HOXB3: variants seen among roughly 807,000 people sequenced by gnomAD.
HOXB3 encodes the protein homeobox protein Hox-B3.
A neutral mutation model predicts 29.2 loss-of-function variants in HOXB3; 17 were observed. That is an observed-to-expected ratio of 0.58 (90% confidence interval 0.40 to 0.87). HOXB3 has a LOEUF of 0.87. Ranked by LOEUF, HOXB3 falls within the 40% of genes least tolerant of loss-of-function variation. The pLI, the probability that HOXB3 is intolerant of heterozygous loss-of-function variation, is 0.00. For missense variants in HOXB3, 637 were observed against 616.3 expected (o/e 1.03, Z -0.35); for synonymous variants, 317 against 285.9 (o/e 1.11, Z -1.10).
intron 2 of HOXB3, among the ~76,000 whole-genome samples, chr17:48,573,427 T>C (rs2144864610): frequency 6.6e-6 from 1 of 152,252 alleles, no homozygotes; most frequent in East Asian, 1.9e-4. Context: ...GTACCCAGTG[T>C]AGACAAGCAG....
At chr17:48,589,757 A>T (rs562996686) in intron 1 of HOXB3, among the ~76,000 whole-genome samples, 1 of 152,150 alleles carries the variant, frequency 6.6e-6, no homozygotes, top group Admixed American at 6.5e-5. Flanking sequence ...GGATGGGGGG[A>T]TAGTTGTCTG....
intron 1 of HOXB3, chr17:48,577,792 C>T: frequency 7.8e-7 from 1 of 1,282,290 alleles, no homozygotes; most frequent in Non-Finnish European, 1.0e-6. Flanking sequence ...CCCCCCCCAA[C>T]CCATGCCTCC....
Position 48,554,361 on chromosome 17 carries a change from T to A in HOXB3, c.-159+1170A>T. On this transcript the variant is annotated intron_variant, in intron 3 of 4. Coordinates refer to ENST00000498678, the MANE Select transcript of HOXB3 (RefSeq NM_001384749.1). The surrounding 1 kb of genome is among the most constrained non-coding windows in gnomAD (Gnocchi z 4.1). The stretch of plus-strand genomic sequence containing the variant: ...ATGATGACGATGATGATGATAGTAA[T>A]AATAATAAAACAATAATTTAACTAG... The A allele has an allele frequency of 2.2e-6, 1 of 450,686 alleles. No individual in the cohort carries two copies. 27.9% of individuals were successfully genotyped at this position (450,686 alleles called of 1,614,324 possible).
chr17:48,586,285 C>T (rs2070043913), intron 1 of HOXB3, among the ~76,000 whole-genome samples: 1 of 152,202 alleles, frequency 6.6e-6, no homozygotes, highest in Non-Finnish European at 1.5e-5. Flanking sequence ...TTTTTGGGAT[C>T]CGACAGGTTC....
At chr17:48,561,983 T>C (rs1394762074) in intron 2 of HOXB3, among the ~76,000 whole-genome samples, 1 of 152,180 alleles carries the variant, frequency 6.6e-6, no homozygotes, top group East Asian at 1.9e-4. Flanking sequence ...ACGGGCACCA[T>C]CGTCACCAGA....
At chr17:48,565,561 C>G (rs1165316039) in intron 2 of HOXB3, among the ~76,000 whole-genome samples, 2 of 152,236 alleles carry the variant, frequency 1.3e-5, no homozygotes, top group Non-Finnish European at 2.9e-5. Flanking sequence ...TTCTGCGTCT[C>G]TCAGTGTCTT....
intron 2 of HOXB3, among the ~76,000 whole-genome samples, chr17:48,573,248 A>T (rs1597845924): frequency 6.6e-6 from 1 of 152,330 alleles, no homozygotes. Context: ...TGCTCCAGAG[A>T]GTAGCACATA....
rs1264657896 is a variant in HOXB3, at chr17:48,552,519, G to C, written c.-45C>G. 1 of 1,480,586 alleles carries C rather than the reference G, an allele frequency of 6.8e-7. No homozygotes were observed. The allele number at this position is 1,480,586 out of a possible 1,614,324, so 91.7% of individuals were successfully genotyped here. The stretch of plus-strand genomic sequence containing the variant: ...AGTGGGTGGCAACTTGGAAAGGCCT[G>C]ATACCCTCAGGACCGGACATTGGCA... On this transcript the variant is annotated 5_prime_UTR_variant, in exon 4 of 5. The change creates a new upstream start codon in the 5' untranslated region. Transcript: ENST00000498678.
In HOXB3 at chr17:48,564,133, G is replaced by A. The variant is rs151086711; in HGVS notation, c.-246-8515C>T. Among the ~76,000 whole-genome samples, 80 of 152,026 alleles carry A rather than the reference G, an allele frequency of 5.3e-4. No individual in the cohort carries two copies. The East Asian group carries it at 0.014, about 27-fold the overall frequency. ...GATCCCGGCCTGTCCCAGGAGAGAG[G>A]CCTGGGGGCGGGGGTCTCAGCCACC... is the stretch of plus-strand genomic sequence containing the variant. On this transcript the variant is annotated intron_variant, in intron 2 of 4. Coordinates refer to ENST00000498678, the MANE Select transcript of HOXB3 (RefSeq NM_001384749.1).
intron 2 of HOXB3, among the ~76,000 whole-genome samples, chr17:48,571,854 T>C (rs2069595307): frequency 6.6e-6 from 1 of 152,238 alleles, no homozygotes; most frequent in South Asian, 2.1e-4. Flanking sequence ...CAGTTATTTC[T>C]TGCCTGAGAT....
At position 48,576,725 on chromosome 17, in the gene HOXB3, G is replaced by C. The variant is rs770457825; in HGVS notation, c.-424-2711C>G. 2.6e-6 allele frequency: 4 copies of C among 1,547,472 alleles called. No individual in the cohort carries two copies. In the African/African-American group the frequency reaches 5.6e-5, roughly 21 times the overall value. On this transcript the variant is annotated intron_variant, in intron 1 of 4. Transcript: ENST00000498678. ...GTGGCTCCCGCGTGCGGGGGCACTA[G>C]AGCGCGCGGGGGCCTCCATTGGGCC...
chr17:48,552,537 C>A lies in HOXB3; in HGVS notation c.-63G>T, dbSNP rs924039086. 5 of 1,293,614 alleles carry A rather than the reference C, an allele frequency of 3.9e-6. No individual in the cohort carries two copies. The highest frequency in any genetic ancestry group is 1.1e-6 in the Non-Finnish European group (1 of 941,040). The allele number at this position is 1,293,614 out of a possible 1,614,324, so 80.1% of individuals were successfully genotyped here. ...AAGGCCTGATACCCTCAGGACCGGACATTGGCAACCCTGGGGGTCACGTGA... is the reference window on the plus strand; with the variant it reads ...AAGGCCTGATACCCTCAGGACCGGAAATTGGCAACCCTGGGGGTCACGTGA... On this transcript the variant is annotated 5_prime_UTR_variant, in exon 4 of 5. The change abolishes an upstream ATG in the 5' untranslated region. Transcript: ENST00000498678.
chr17:48,550,491 G>A lies in HOXB3; in HGVS notation c.1139C>T (p.Pro380Leu), dbSNP rs2068678441. Reference protein sequence around the residue: ...LYGLNHLSHHPSGNLDYNGAP... With the variant: ...LYGLNHLSHHLSGNLDYNGAP... ...CCCGTTGTAGTCCAGGTTCCCGGAAGGGTGATGGGAAAGGTGGTTGAGGCC... is the reference window on the plus strand; with the variant it reads ...CCCGTTGTAGTCCAGGTTCCCGGAAAGGTGATGGGAAAGGTGGTTGAGGCC... Residue 380 changes from proline to leucine, a missense_variant, in exon 5 of 5, where the codon CCT (proline) becomes CTT (leucine). Pro to Leu is a moderately conservative substitution (Grantham distance 98). Transcript: ENST00000498678. 1 of 1,606,350 alleles carries A rather than the reference G, an allele frequency of 6.2e-7. No homozygotes were observed. Among genetic ancestry groups the A allele is most frequent in the Non-Finnish European group, 8.5e-7 (1 of 1,178,256 alleles).
intron 2 of HOXB3, among the ~76,000 whole-genome samples, chr17:48,567,971 T>G (rs1309606282): frequency 1.3e-5 from 2 of 152,166 alleles, no homozygotes; most frequent in African/African-American, 4.8e-5. Flanking sequence ...GTGATTCCTT[T>G]TCCACCTTTG....
rs753221990 is a variant in HOXB3 at position 48,550,793 on chromosome 17, T to C, written c.837A>G (p.Leu279=). The C allele has an allele frequency of 1.2e-6, 2 of 1,612,884 alleles. No homozygotes were observed. The highest frequency in any genetic ancestry group is 2.7e-5 in the African/African-American group (2 of 74,814). The change falls in exon 5 of 5, where the codon TTA becomes TTG. Residue 279 remains leucine (L), a synonymous_variant. Coordinates refer to ENST00000498678, the MANE Select transcript of HOXB3 (RefSeq NM_001384749.1). ...TCTCGTAGCTGGGGGTCATGGAGTG[T>C]AAGGCGTTCATGAAGCCGGCCGTGG... ...MQSTAGFMNA[L]HSMTPSYESP... is the part of the protein sequence containing the mutation.
chr17:48,550,041 C>T lies in HOXB3; in HGVS notation c.*293G>A, dbSNP rs888382888. ...CTGTCTCGTCTTCCTCTACCCCACT[C>T]CCGGGCGTGGAATTCCAACTTGGTA... On this transcript the variant is annotated 3_prime_UTR_variant, in exon 5 of 5. Transcript: ENST00000498678. 1.8e-5 allele frequency: 7 copies of T among 382,114 alleles called. No individual in the cohort carries two copies. The highest frequency in any genetic ancestry group is 4.2e-5 in the Admixed American group (1 of 23,748). The allele number at this position is 382,114 out of a possible 1,614,324, so 23.7% of individuals were successfully genotyped here.
chr17:48,576,147 T>C (rs2069751075), intron 1 of HOXB3: 1 of 152,910 alleles, frequency 6.5e-6, no homozygotes, highest in Non-Finnish European at 1.5e-5. Flanking sequence ...CTGCACTATC[T>C]GGCAGTCAGA....
intron 2 of HOXB3, among the ~76,000 whole-genome samples, chr17:48,567,615 C>G (rs1387017514): frequency 1.3e-5 from 2 of 152,176 alleles, no homozygotes; most frequent in African/African-American, 2.4e-5. Context: ...AACAGCTCTT[C>G]CCCTCCCTCT....
At position 48,551,153 on chromosome 17, in the gene HOXB3, G is replaced by A; in HGVS notation, c.477C>T (p.Gly159=). The A allele has an allele frequency of 9.4e-6, 12 of 1,280,544 alleles. No homozygotes were observed. Among genetic ancestry groups the A allele is most frequent in the South Asian group, 8.0e-5 (3 of 37,480 alleles). 79.3% of individuals were successfully genotyped at this position (1,280,544 alleles called of 1,614,324 possible). A position where few individuals can be genotyped will look rare whatever the true frequency, so the allele number is the denominator to read the frequency against. Residue 159 remains glycine (G), a synonymous_variant, in exon 5 of 5, where the codon GGC becomes GGT. Coordinates refer to ENST00000498678, the MANE Select transcript of HOXB3 (RefSeq NM_001384749.1). ...TAEGCGGGGG[G]GGGGGSGGSG... Reference sequence around the variant, plus strand: ...TGCCACCACTGCCTCCGCCGCCGCCGCCACCGCCGCCGCCACCACAGCCCT... The same window carrying A: ...TGCCACCACTGCCTCCGCCGCCGCCACCACCGCCGCCGCCACCACAGCCCT...
Sources: gnomAD v4.1 joint callset for allele counts (sites outside exome capture counted in the v4.1 genomes callset) on GRCh38, gnomAD v4.1.1 for gene constraint, Gnocchi (gnomAD v3.1) non-coding constraint, MANE v1.5 for transcripts, NCBI Gene and HGNC (gene_info 2026-07-23, HGNC 2026-07-21) for gene names.